CHCHD3: variants seen among roughly 807,000 people sequenced by gnomAD.
CHCHD3 encodes the protein MICOS complex subunit MIC19.
CHCHD3 carries 20 observed loss-of-function variants against 38.2 expected under a neutral mutation model. The ratio of observed to expected loss-of-function variants is 0.52; its 90% CI spans 0.37 to 0.76. CHCHD3 has a LOEUF of 0.76. CHCHD3 is among the 30% of genes least tolerant of loss of function. The pLI is 0.00. For missense variants in CHCHD3, 245 were observed against 279.2 expected (o/e 0.88, Z 0.87); for synonymous variants, 82 against 100.0 (o/e 0.82, Z 1.07).
chr7:132,834,959 T>C (rs898565020), intron 6 of CHCHD3, among the ~76,000 whole-genome samples: 5 of 91,924 alleles, frequency 5.4e-5, no homozygotes, highest in African/African-American at 1.4e-4. Context: ...TTTATTTATT[T>C]ATTTATTTAT....
intron 6 of CHCHD3, among the ~76,000 whole-genome samples, chr7:132,822,781 C>T (rs927103951): frequency 6.6e-6 from 1 of 152,040 alleles, no homozygotes; most frequent in Non-Finnish European, 1.5e-5. Flanking sequence ...TTCGCTGCAG[C>T]CTTCTTCTGC....
At chr7:132,867,404 C>CA (rs1478666786) in intron 5 of CHCHD3, among the ~76,000 whole-genome samples, 4 of 151,818 alleles carry the variant, frequency 2.6e-5, no homozygotes, top group African/African-American at 7.3e-5. Context: ...TATAAAAGTC[C>CA]AAAAAATTAT....
chr7:132,985,408 CT>C (rs1812078396), intron 3 of CHCHD3, among the ~76,000 whole-genome samples: 1 of 79,464 alleles, frequency 1.3e-5, no homozygotes, highest in Non-Finnish European at 2.7e-5. Flanking sequence ...GCCAGCCGCC[CT>C]ATCCGGGAGG....
At chr7:132,862,540 G>A (rs4731917) in intron 5 of CHCHD3, among the ~76,000 whole-genome samples, 35,108 of 152,038 alleles carry the variant, frequency 0.23, 4,239 homozygotes, top group South Asian at 0.26. Flanking sequence ...GTCTTATCTC[G>A]ATATTGATGG....
chr7:132,887,155 T>C (rs534201394), intron 4 of CHCHD3, among the ~76,000 whole-genome samples: 1 of 152,060 alleles, frequency 6.6e-6, no homozygotes, highest in South Asian at 2.1e-4. Flanking sequence ...CACATTTTAA[T>C]GTCACTATGC....
At chr7:132,895,394 C>T (rs1809468190) in intron 4 of CHCHD3, among the ~76,000 whole-genome samples, 1 of 152,222 alleles carries the variant, frequency 6.6e-6, no homozygotes, top group South Asian at 2.1e-4. Flanking sequence ...AGCAGCACTA[C>T]CCCCTACTCT....
intron 6 of CHCHD3, among the ~76,000 whole-genome samples, chr7:132,808,143 A>G (rs1313664063): frequency 6.6e-6 from 1 of 152,232 alleles, no homozygotes; most frequent in Non-Finnish European, 1.5e-5. Context: ...CTTCTGATTT[A>G]GTATCTCAGT....
At position 132,991,407 on chromosome 7, in the gene CHCHD3, G is replaced by A. The variant is rs139175338; in HGVS notation, c.252-16121C>T. Among the ~76,000 whole-genome samples, 611 of 152,084 alleles carry A rather than the reference G, an allele frequency of 4.0e-3. 5 individuals carry two copies. Among genetic ancestry groups the A allele is most frequent in the African/African-American group, 0.014 (569 of 41,476 alleles). ...ATACATAGCTCTTATTGTGCATGTG[G>A]CAGCCTTGATCTTTAAATGGGTAAT... On this transcript the variant is annotated intron_variant, in intron 3 of 7. Coordinates refer to ENST00000262570, the MANE Select transcript of CHCHD3 (RefSeq NM_017812.4).
At chr7:132,997,986 G>C (rs916624094) in intron 3 of CHCHD3, among the ~76,000 whole-genome samples, 5 of 152,094 alleles carry the variant, frequency 3.3e-5, no homozygotes, top group Non-Finnish European at 7.4e-5. Context: ...AAAAATTTCA[G>C]GGATAACTAT....
rs538456524 is a variant in CHCHD3, at chr7:132,910,871, C to T, written c.370-25126G>A. Among the ~76,000 whole-genome samples, 16 of 152,298 alleles carry T rather than the reference C, an allele frequency of 1.1e-4. No individual in the cohort carries two copies. In the South Asian group the frequency reaches 1.9e-3, roughly 18 times the overall value. Reference sequence around the variant, plus strand: ...CAACCTTTCCCAACACAGCTCACTACGTAAGCATTACCAATCAACGGGAGC... The same window carrying T: ...CAACCTTTCCCAACACAGCTCACTATGTAAGCATTACCAATCAACGGGAGC... On this transcript the variant is annotated intron_variant, in intron 4 of 7. Coordinates refer to ENST00000262570, the MANE Select transcript of CHCHD3 (RefSeq NM_017812.4).
Position 132,871,414 on chromosome 7 carries a change from A to G in CHCHD3, c.453+14248T>C, listed in dbSNP as rs572638308. ...TTCCACAATTTAGAGTAACTACACC[A>G]TGAGAGAATAGACAGTTCACAATTT... On this transcript the variant is annotated intron_variant, in intron 5 of 7. Transcript: ENST00000262570. Among the ~76,000 whole-genome samples, 22 of 152,328 alleles carry G rather than the reference A, an allele frequency of 1.4e-4. No homozygotes were observed. In the East Asian group the frequency reaches 4.1e-3, roughly 28 times the overall value.
intron 4 of CHCHD3, among the ~76,000 whole-genome samples, chr7:132,935,622 A>G (rs1810616326): frequency 6.6e-6 from 1 of 152,180 alleles, no homozygotes; most frequent in Non-Finnish European, 1.5e-5. Context: ...AAGAAAACAC[A>G]TTTATACTAA....
At position 132,914,529 on chromosome 7, in the gene CHCHD3, A is replaced by G. The variant is rs762242896; in HGVS notation, c.370-28784T>C. On this transcript the variant is annotated intron_variant, in intron 4 of 7. Coordinates refer to ENST00000262570, the MANE Select transcript of CHCHD3 (RefSeq NM_017812.4). ...ATATTTTTTCCACAGAATGAGGATA[A>G]TAAGTATTGAACTTAAAAAGTGTGA... Among the ~76,000 whole-genome samples, 3 of 152,374 alleles carry G rather than the reference A, an allele frequency of 2.0e-5. No individual in the cohort carries two copies. The East Asian group carries it at 5.8e-4, about 29-fold the overall frequency.
At chr7:132,872,985 G>A (rs900470943) in intron 5 of CHCHD3, among the ~76,000 whole-genome samples, 1 of 152,028 alleles carries the variant, frequency 6.6e-6, no homozygotes, top group Non-Finnish European at 1.5e-5. Flanking sequence ...CCAGCTACTC[G>A]GGAGGCTGAG....
At chr7:132,859,352 C>A (rs1381587726) in intron 5 of CHCHD3, among the ~76,000 whole-genome samples, 1 of 152,132 alleles carries the variant, frequency 6.6e-6, no homozygotes, top group Non-Finnish European at 1.5e-5. Flanking sequence ...TGTGGATATC[C>A]AGACACTTGT....
chr7:132,986,824 G>A (rs1424560384), intron 3 of CHCHD3, among the ~76,000 whole-genome samples: 1 of 152,232 alleles, frequency 6.6e-6, no homozygotes, highest in Non-Finnish European at 1.5e-5. Context: ...GGAAGGGATA[G>A]GCTATCTCTA....
At chr7:132,867,437 A>G (rs1585586811) in intron 5 of CHCHD3, among the ~76,000 whole-genome samples, 2 of 152,320 alleles carry the variant, frequency 1.3e-5, no homozygotes, top group South Asian at 2.1e-4. Context: ...TAAATTACAG[A>G]TGAGACTAAG....
In CHCHD3 at chr7:132,785,624, A is replaced by T. The variant is rs1261307283; in HGVS notation, c.*13T>A. The T allele has an allele frequency of 1.2e-6, 2 of 1,613,952 alleles. No homozygotes were observed. The highest frequency in any genetic ancestry group is 3.3e-5 in the Admixed American group (2 of 60,006). The stretch of plus-strand genomic sequence containing the variant: ...AATTAACGTTGATGGTGTTTTGCTC[A>T]TTCTGAAAGTTTTTATCCTCCCTTC... On this transcript the variant is annotated 3_prime_UTR_variant, in exon 8 of 8. Coordinates refer to ENST00000262570, the MANE Select transcript of CHCHD3 (RefSeq NM_017812.4).
chr7:132,991,071 A>T (rs1812271185), intron 3 of CHCHD3, among the ~76,000 whole-genome samples: 1 of 152,018 alleles, frequency 6.6e-6, no homozygotes, highest in East Asian at 1.9e-4. Flanking sequence ...AAACATTTTT[A>T]AGGAAAAAAT....
Sources: gnomAD v4.1 joint callset for allele counts (sites outside exome capture counted in the v4.1 genomes callset) on GRCh38, gnomAD v4.1.1 for gene constraint, MANE v1.5 for transcripts, NCBI Gene and HGNC (gene_info 2026-07-23, HGNC 2026-07-21) for gene names.